The following CALN1 variants were observed in gnomAD, a reference collection of about 807,000 sequenced individuals.
CALN1 encodes calcium-binding protein 8.
Under a neutral mutation model 30.6 loss-of-function variants are expected in CALN1, and 17 were observed. The observed-to-expected ratio is 0.56, with a 90% CI of 0.38 to 0.83. The LOEUF (loss-of-function observed/expected upper bound fraction) is 0.83, where lower values mean the gene tolerates loss of function less well. Ranked by LOEUF, CALN1 falls within the 40% of genes least tolerant of loss-of-function variation. The probability of loss-of-function intolerance (pLI) is 0.00; values close to 1 mark genes in which losing one functional copy is unlikely to be tolerated. For synonymous variants in CALN1, 156 were observed against 131.4 expected (o/e 1.19, Z -1.28); for missense variants, 291 against 354.9 (o/e 0.82, Z 1.45).
intron 5 of CALN1, among the ~76,000 whole-genome samples, chr7:71,897,485 A>G (rs1473416282): frequency 6.6e-6 from 1 of 152,180 alleles, no homozygotes; most frequent in Non-Finnish European, 1.5e-5. Flanking sequence ...TTCCTGTCCA[A>G]GGATAAAAGA....
In CALN1 at chr7:72,083,897, G is replaced by A. The variant is rs931606330; in HGVS notation, c.388+22254C>T. On this transcript the variant is annotated intron_variant, in intron 4 of 6. Transcript: ENST00000395275. Reference sequence around the variant, plus strand: ...ACTTGCAAAAAAAACCTTAAAGACAGTCAATGGGAAAGACATACTACATAA... The same window carrying A: ...ACTTGCAAAAAAAACCTTAAAGACAATCAATGGGAAAGACATACTACATAA... Among the ~76,000 whole-genome samples, 20 of 151,806 alleles carry A rather than the reference G, an allele frequency of 1.3e-4. No homozygotes were observed. In the Middle Eastern group the frequency reaches 0.01, roughly 77 times the overall value.
intron 3 of CALN1, among the ~76,000 whole-genome samples, chr7:72,110,325 G>A (rs1807476651): frequency 6.6e-6 from 1 of 152,194 alleles, no homozygotes; most frequent in African/African-American, 2.4e-5. Context: ...CACCTTTGGG[G>A]CTACTGGATT....
At chr7:72,095,233 C>G (rs979864964) in intron 4 of CALN1, among the ~76,000 whole-genome samples, 2 of 152,074 alleles carry the variant, frequency 1.3e-5, no homozygotes, top group African/African-American at 4.8e-5. Context: ...TTTGTGAGGA[C>G]TAAGTAAGTT....
chr7:72,377,436 C>CGCGTGTGTGT (rs1804627036), intron 2 of CALN1, among the ~76,000 whole-genome samples: 1 of 142,336 alleles, frequency 7.0e-6, no homozygotes, highest in South Asian at 2.4e-4. Flanking sequence ...GCCACACTTT[C>CGCGTGTGTGT]GTGTGTGTGT....
At chr7:72,025,012 T>C (rs1265262670) in intron 4 of CALN1, among the ~76,000 whole-genome samples, 1 of 152,120 alleles carries the variant, frequency 6.6e-6, no homozygotes, top group African/African-American at 2.4e-5. Context: ...ACTGTAGAAT[T>C]TAAAACCATG....
intron 2 of CALN1, among the ~76,000 whole-genome samples, chr7:72,292,904 T>G (rs1251963099): frequency 6.7e-6 from 1 of 149,052 alleles, no homozygotes; most frequent in Non-Finnish European, 1.5e-5. Flanking sequence ...GAAACCGGAG[T>G]CTCATTTCCT....
intron 1 of CALN1, among the ~76,000 whole-genome samples, chr7:72,418,086 A>G (rs1386325920): frequency 6.6e-6 from 1 of 152,162 alleles, no homozygotes; most frequent in East Asian, 1.9e-4. Flanking sequence ...ATAGTACCCA[A>G]TAGGTAGTGT....
intron 3 of CALN1, among the ~76,000 whole-genome samples, chr7:72,194,163 C>A (rs557697231): frequency 6.6e-6 from 1 of 152,336 alleles, no homozygotes; most frequent in Non-Finnish European, 1.5e-5. Flanking sequence ...TGCAGTCCAT[C>A]CCTAACTAAA....
intron 2 of CALN1, among the ~76,000 whole-genome samples, chr7:72,296,751 CTTTTT>C (rs1165134529): frequency 6.6e-6 from 1 of 150,556 alleles, no homozygotes; most frequent in East Asian, 1.9e-4. Flanking sequence ...ATTCTTCTCT[CTTTTT>C]TTATTAGTCT....
chr7:71,943,232 C>A (rs1163638998), intron 5 of CALN1, among the ~76,000 whole-genome samples: 2 of 152,158 alleles, frequency 1.3e-5, no homozygotes, highest in Non-Finnish European at 2.9e-5. Context: ...TGCACAATAA[C>A]ATTCAAATAC....
chr7:72,395,797 C>T (rs1287821907), intron 2 of CALN1, among the ~76,000 whole-genome samples: 1 of 152,018 alleles, frequency 6.6e-6, no homozygotes, highest in Non-Finnish European at 1.5e-5. Context: ...GCAAAGCATG[C>T]TTGTTGAGCT....
At chr7:72,413,641 G>A (rs533345943), upstream of CALN1, among the ~76,000 whole-genome samples, 7 of 150,744 alleles carry the variant, frequency 4.6e-5, no homozygotes, top group Non-Finnish European at 8.9e-5. Flanking sequence ...CTACACATAC[G>A]CATATAAACT....
intron 4 of CALN1, among the ~76,000 whole-genome samples, chr7:72,051,646 A>G (rs918549775): frequency 6.6e-6 from 1 of 152,236 alleles, no homozygotes; most frequent in African/African-American, 2.4e-5. Flanking sequence ...TCACATGCAA[A>G]AACGCTAAAG....
intron 5 of CALN1, among the ~76,000 whole-genome samples, chr7:71,849,284 G>A (rs1262748850): frequency 6.6e-6 from 1 of 152,200 alleles, no homozygotes; most frequent in East Asian, 1.9e-4. Context: ...CAAGTTTCAC[G>A]CTAAATTCCC....
At chr7:72,485,674 C>A in the CALN1 span, among the ~76,000 whole-genome samples, 1 of 152,144 alleles carries the variant, frequency 6.6e-6, no homozygotes, top group East Asian at 1.9e-4. Flanking sequence ...AGTTCAAGAC[C>A]AGCCTGGCCA....
At chr7:72,195,339 T>A (rs1374598067) in intron 3 of CALN1, among the ~76,000 whole-genome samples, 1 of 152,212 alleles carries the variant, frequency 6.6e-6, no homozygotes, top group African/African-American at 2.4e-5. Flanking sequence ...TGCATAACTT[T>A]CCCACAGCTG....
At chr7:71,872,860 C>G (rs539958599) in intron 5 of CALN1, among the ~76,000 whole-genome samples, 10 of 151,746 alleles carry the variant, frequency 6.6e-5, no homozygotes, top group African/African-American at 2.2e-4. Flanking sequence ...GCCATCCTCC[C>G]GCCTTAGCCT....
intron 4 of CALN1, among the ~76,000 whole-genome samples, chr7:72,077,979 G>C (rs1388834993): frequency 6.6e-6 from 1 of 152,198 alleles, no homozygotes; most frequent in Non-Finnish European, 1.5e-5. Context: ...CTTCTAGACA[G>C]TTTCCAAAAT....
At chr7:71,823,300 G>A (rs929177196) in intron 5 of CALN1, among the ~76,000 whole-genome samples, 17 of 152,024 alleles carry the variant, frequency 1.1e-4, no homozygotes. Context: ...CTCCTGTGTA[G>A]CTGGGATTAC....
Sources: allele counts gnomAD v4.1 joint callset (sites outside exome capture counted in the v4.1 genomes callset), GRCh38; gene constraint gnomAD v4.1.1; transcripts MANE v1.5; gene names NCBI Gene and HGNC (gene_info 2026-07-23, HGNC 2026-07-21).